Variants in TOPBP1 observed in about 807,000 individuals in gnomAD.
The protein encoded by TOPBP1 is DNA topoisomerase II binding protein 1.
TOPBP1 carries 28 observed loss-of-function variants against 167.7 expected under a neutral mutation model. That is an observed-to-expected ratio of 0.17 (90% CI 0.12 to 0.23). The LOEUF (loss-of-function observed/expected upper bound fraction) is 0.23. Ranked by LOEUF, TOPBP1 falls within the 10% of genes least tolerant of loss-of-function variation. The probability of loss-of-function intolerance (pLI) is 1.00; values close to 1 mark genes in which losing one functional copy is unlikely to be tolerated. For synonymous variants in TOPBP1, 598 were observed against 611.4 expected (o/e 0.98, Z 0.32); for missense variants, 1,554 against 1,809.6 (o/e 0.86, Z 2.56).
intron 4 of TOPBP1, 93 bp downstream of exon 4, chr3:133,657,705 G>A (rs1450645408): frequency 2.4e-5 from 26 of 1,062,952 alleles, no homozygotes; most frequent in Non-Finnish European, 3.1e-5. Context: ...AACAATAAGC[G>A]GAAAGTCTTT....
chr3:133,640,290 T>C (rs1935854547), intron 12 of TOPBP1, 120 bp from the exon 13 acceptor site: 2 of 867,782 alleles, frequency 2.3e-6, no homozygotes, highest in Non-Finnish European at 3.5e-6. Context: ...AAAATACTGA[T>C]TAAAAGTTGG....
chr3:133,653,271 C>G, intron 7 of TOPBP1, 74 bp downstream of exon 7: 2 of 1,332,404 alleles, frequency 1.5e-6, no homozygotes, highest in Non-Finnish European at 2.0e-6. Flanking sequence ...CTCAGTGATC[C>G]TATTAACATA....
In TOPBP1 at chr3:133,623,422, A is replaced by C. The variant is rs779957375; in HGVS notation, c.2964T>G (p.Leu988=). ...AQECKHLPES[L]YPHTYNPKMS... ...TTTTGGGATTATAAGTATGTGGATA[A>C]AGAGATTCAGGAAGATGTTTACACT... Residue 988 remains leucine, a synonymous_variant, in exon 18 of 28, where the codon CTT becomes CTG. Coordinates refer to ENST00000260810, the MANE Select transcript of TOPBP1 (RefSeq NM_007027.4). 2 of 1,612,574 alleles carry C rather than the reference A, an allele frequency of 1.2e-6. No individual in the cohort carries two copies. Among genetic ancestry groups the C allele is most frequent in the African/African-American group, 2.7e-5 (2 of 74,912 alleles).
In TOPBP1 at chr3:133,620,248, G is replaced by C; in HGVS notation, c.3278C>G (p.Ser1093Cys). ...SIVKPQGQRTSLSRSGCNSAS... is the reference protein window; with the variant it reads ...SIVKPQGQRTCLSRSGCNSAS... ...GCTGTTACAACCACTTCTTGAAAGG[G>C]AAGTCCTCTGCCCTTGGGGTTTCAC... Residue 1093 changes from serine (S) to cysteine (C), a missense_variant, in exon 20 of 28, where the codon TCC becomes TGC. Physicochemically the swap from Ser to Cys is moderately radical, Grantham distance 112 (BLOSUM62 -1). Around this residue, in one of 3 missense-constraint regions of TOPBP1, gnomAD observed 1,197 missense variants for 1,351.5 expected, o/e 0.89. Coordinates refer to ENST00000260810, the MANE Select transcript of TOPBP1 (RefSeq NM_007027.4). The C allele has an allele frequency of 5.0e-6, 8 of 1,613,946 alleles. No individual in the cohort carries two copies. Among genetic ancestry groups the C allele is most frequent in the Non-Finnish European group, 6.8e-6 (8 of 1,179,884 alleles).
At chr3:133,602,893 T>C (rs1330212753) in intron 27 of TOPBP1, among the ~76,000 whole-genome samples, 2 of 87,044 alleles carry the variant, frequency 2.3e-5, no homozygotes, top group Non-Finnish European at 4.8e-5. Context: ...CCTTTTTTCA[T>C]TTTTTTTTTT....
Position 133,624,040 on chromosome 3 carries a change from A to G in TOPBP1, c.2928+12T>C. ...AATTAACAGAGATGGGGGGGAAAAA[A>G]GCACTGCTTACATCTAAAAGCCAGT... On this transcript the variant is annotated intron_variant, in intron 17 of 27. Coordinates refer to ENST00000260810, the MANE Select transcript of TOPBP1 (RefSeq NM_007027.4). 1 of 1,606,214 alleles carries G rather than the reference A, an allele frequency of 6.2e-7. No individual in the cohort carries two copies. Among genetic ancestry groups the G allele is most frequent in the Non-Finnish European group, 8.5e-7 (1 of 1,177,194 alleles).
At chr3:133,611,515 G>C (rs967785471) in intron 24 of TOPBP1, among the ~76,000 whole-genome samples, 1 of 152,168 alleles carries the variant, frequency 6.6e-6, no homozygotes, top group Admixed American at 6.5e-5. Flanking sequence ...TTGATTATCT[G>C]TCTATGTAGT....
At chr3:133,651,082 G>C (rs1373849521) in intron 8 of TOPBP1, among the ~76,000 whole-genome samples, 1 of 143,836 alleles carries the variant, frequency 7.0e-6, no homozygotes, top group South Asian at 2.3e-4. Context: ...GGGCGACAGA[G>C]CAAGTCTCCG....
chr3:133,605,141 G>A (rs189354671), intron 27 of TOPBP1, among the ~76,000 whole-genome samples: 35 of 151,424 alleles, frequency 2.3e-4, no homozygotes, highest in Admixed American at 2.0e-3. Flanking sequence ...GGAGATTGCA[G>A]TGAGCTGAGA....
intron 19 of TOPBP1, 22 bp downstream of exon 19, chr3:133,623,069 A>G: frequency 1.4e-6 from 2 of 1,450,202 alleles, no homozygotes; most frequent in South Asian, 2.9e-5. Context: ...AATTTTTTTA[A>G]TTAAAAAATA....
chr3:133,644,350 C>G lies in TOPBP1; in HGVS notation c.1518G>C (p.Thr506=). The G allele has an allele frequency of 6.4e-7, 1 of 1,567,516 alleles. No individual in the cohort carries two copies. Among genetic ancestry groups the G allele is most frequent in the Non-Finnish European group, 8.6e-7 (1 of 1,160,768 alleles). Reference sequence around the variant, plus strand: ...AATCATTAAAGGGCCTGGCTTCAGACGTCTTAGCCTCAACTGAAAGAGAAA... The same window carrying G: ...AATCATTAAAGGGCCTGGCTTCAGAGGTCTTAGCCTCAACTGAAAGAGAAA... ...NGSSTVVEAK[T]SEARPFNDST... The change falls in exon 11 of 28, where the codon ACG becomes ACC. Residue 506 remains threonine (T), a synonymous_variant. Transcript: ENST00000260810.
Position 133,623,117 on chromosome 3 carries a change from C to T in TOPBP1, c.3152G>A (p.Gly1051Glu), listed in dbSNP as rs759647107. Residue 1051 changes from glycine to glutamate, a missense_variant, in exon 19 of 28, where the codon GGA becomes GAA. Coordinates refer to ENST00000260810, the MANE Select transcript of TOPBP1 (RefSeq NM_007027.4). Reference sequence around the variant, plus strand: ...TCCTTTAGAGTCATTCTTTCCACTTCCATTTGATGGTGCTGACTCTTTATT... The same window carrying T: ...TCCTTTAGAGTCATTCTTTCCACTTTCATTTGATGGTGCTGACTCTTTATT... ...TNNKESAPSN[G>E]SGKNDSKGVL... The T allele has an allele frequency of 1.3e-5, 21 of 1,609,622 alleles. No individual in the cohort carries two copies. Among genetic ancestry groups the T allele is most frequent in the Middle Eastern group, 3.5e-4 (2 of 5,754 alleles).
chr3:133,617,131 C>G, intron 22 of TOPBP1, 29 bp downstream of exon 22: 1 of 1,574,654 alleles, frequency 6.4e-7, no homozygotes, highest in South Asian at 1.2e-5. Flanking sequence ...TATGCAAAAG[C>G]TGTATCACCA....
At chr3:133,652,245 A>T (rs192420109) in intron 8 of TOPBP1, among the ~76,000 whole-genome samples, 1 of 152,322 alleles carries the variant, frequency 6.6e-6, no homozygotes, top group African/African-American at 2.4e-5. Flanking sequence ...TAAAACCTGA[A>T]ATGAACTTTT....
intron 14 of TOPBP1, among the ~76,000 whole-genome samples, chr3:133,631,139 C>T (rs1037118874): frequency 3.3e-5 from 5 of 152,114 alleles, no homozygotes; most frequent in African/African-American, 9.7e-5. Context: ...CAGTGAGCCA[C>T]GATGATGCCA....
At chr3:133,641,913 A>C (rs1481184121) in intron 12 of TOPBP1, among the ~76,000 whole-genome samples, 1 of 152,248 alleles carries the variant, frequency 6.6e-6, no homozygotes, top group East Asian at 1.9e-4. Context: ...GTCAGAAGAC[A>C]GAATCTTGCT....
chr3:133,644,311 C>T lies in TOPBP1; in HGVS notation c.1557G>A (p.Glu519=). ...AAATGTGAGTAGAATCATTCAAGGG[C>T]TCAGCATGAGTAGAATCATTAAAGG... ...ARPFNDSTHA[E]PLNDSTHISL... Residue 519 remains glutamate, a synonymous_variant, in exon 11 of 28, where the codon GAG becomes GAA. Transcript: ENST00000260810. The T allele has an allele frequency of 6.2e-7, 1 of 1,610,724 alleles. No homozygotes were observed. The highest frequency in any genetic ancestry group is 8.5e-7 in the Non-Finnish European group (1 of 1,178,436).
chr3:133,614,486 C>T (rs1238219259), intron 23 of TOPBP1, among the ~76,000 whole-genome samples: 2 of 152,084 alleles, frequency 1.3e-5, no homozygotes, highest in African/African-American at 4.8e-5. Flanking sequence ...AAGGATTGGG[C>T]ATAATATCTA....
At chr3:133,602,104 T>G (rs1004391324) in intron 27 of TOPBP1, among the ~76,000 whole-genome samples, 9 of 152,146 alleles carry the variant, frequency 5.9e-5, no homozygotes, top group African/African-American at 2.2e-4. Flanking sequence ...AACCTAGAGT[T>G]TCTTTTTTAG....
Sources: allele counts gnomAD v4.1 joint callset (sites outside exome capture counted in the v4.1 genomes callset), GRCh38; gene constraint gnomAD v4.1.1; regional missense constraint gnomAD v4.1.1; transcripts MANE v1.5; gene names NCBI Gene and HGNC (gene_info 2026-07-23, HGNC 2026-07-21).